The following SEMA5B variants were observed in gnomAD, a reference collection of about 807,000 sequenced individuals.
The protein encoded by SEMA5B is semaphorin-5B.
A neutral mutation model predicts 135.0 loss-of-function variants in SEMA5B; 66 were observed. That is an observed-to-expected ratio of 0.49 (90% CI 0.40 to 0.60). SEMA5B has a LOEUF of 0.60. SEMA5B is among the 20% of genes least tolerant of loss of function. The probability of loss-of-function intolerance (pLI) is 0.00; values close to 1 mark genes in which losing one functional copy is unlikely to be tolerated. For synonymous variants in SEMA5B, 690 were observed against 639.5 expected (o/e 1.08, Z -1.19); for missense variants, 1,501 against 1,566.3 (o/e 0.96, Z 0.70).
intron 1 of SEMA5B, among the ~76,000 whole-genome samples, chr3:123,024,766 A>T: frequency 6.6e-6 from 1 of 152,182 alleles, no homozygotes; most frequent in East Asian, 1.9e-4. Flanking sequence ...AGATGAGCTC[A>T]CTTCTTAGAA....
intron 7 of SEMA5B, 26 bp from the exon 8 acceptor site, chr3:122,928,029 A>G (rs1030072915): frequency 3.2e-5 from 45 of 1,422,790 alleles, no homozygotes; most frequent in Non-Finnish European, 4.1e-5. Context: ...AGAAGGGGAC[A>G]CTTTTCCCTG....
intron 12 of SEMA5B, among the ~76,000 whole-genome samples, chr3:122,919,353 C>T (rs1027985597): frequency 5.3e-5 from 8 of 152,152 alleles, no homozygotes; most frequent in African/African-American, 1.9e-4. Context: ...TTTGCAGAGC[C>T]AGTCAGCAGT....
intron 5 of SEMA5B, among the ~76,000 whole-genome samples, chr3:122,935,281 A>C (rs1939205321): frequency 6.6e-6 from 1 of 152,050 alleles, no homozygotes; most frequent in South Asian, 2.1e-4. Context: ...TTTTCCAGCA[A>C]AGACTCCCTT....
chr3:122,946,738 A>G (rs1371802596), intron 3 of SEMA5B, among the ~76,000 whole-genome samples: 1 of 152,188 alleles, frequency 6.6e-6, no homozygotes, highest in Non-Finnish European at 1.5e-5. Flanking sequence ...GAGGCCCCAC[A>G]GCATCCCCTT....
chr3:122,994,830 T>C (rs1181528518), intron 1 of SEMA5B, among the ~76,000 whole-genome samples: 1 of 152,124 alleles, frequency 6.6e-6, no homozygotes, highest in Non-Finnish European at 1.5e-5. Context: ...AGAAATCAAA[T>C]TGGATGAAAT....
chr3:122,953,346 G>T (rs1285095425), intron 2 of SEMA5B, among the ~76,000 whole-genome samples: 1 of 152,128 alleles, frequency 6.6e-6, no homozygotes, highest in Admixed American at 6.5e-5. Context: ...CCAGGGGCCC[G>T]AATTAGGAGC....
At chr3:122,956,065 C>T (rs1258450560) in intron 2 of SEMA5B, among the ~76,000 whole-genome samples, 3 of 152,230 alleles carry the variant, frequency 2.0e-5, no homozygotes, top group African/African-American at 7.2e-5. Flanking sequence ...GAAGGGGGCA[C>T]AGATGGCCAG....
At chr3:122,984,240 T>C (rs1429954488) in intron 1 of SEMA5B, among the ~76,000 whole-genome samples, 1 of 152,212 alleles carries the variant, frequency 6.6e-6, no homozygotes, top group Non-Finnish European at 1.5e-5. Context: ...AGGCGGGCTC[T>C]GAAGGTCCAG....
chr3:122,958,864 CTCTCT>C (rs545246474), intron 2 of SEMA5B, among the ~76,000 whole-genome samples: 20 of 152,288 alleles, frequency 1.3e-4, no homozygotes, highest in African/African-American at 4.8e-4. Flanking sequence ...CTGAGTTCTT[CTCTCT>C]TCCATATATT....
chr3:123,003,765 C>T (rs1291485025), intron 1 of SEMA5B, among the ~76,000 whole-genome samples: 2 of 152,110 alleles, frequency 1.3e-5, no homozygotes, highest in South Asian at 2.1e-4. Context: ...ACCTTGGAGG[C>T]GGAGATTGCA....
intron 2 of SEMA5B, among the ~76,000 whole-genome samples, chr3:122,957,768 G>A (rs1329925055): frequency 6.6e-6 from 1 of 152,166 alleles, no homozygotes; most frequent in East Asian, 1.9e-4. Flanking sequence ...AGTGAAGCTG[G>A]GATTTGAATC....
At chr3:122,931,247 C>T (rs1167924717) in intron 5 of SEMA5B, among the ~76,000 whole-genome samples, 1 of 152,178 alleles carries the variant, frequency 6.6e-6, no homozygotes, top group Admixed American at 6.5e-5. Flanking sequence ...GTATCAATCT[C>T]AGTCTTCATC....
intron 1 of SEMA5B, among the ~76,000 whole-genome samples, chr3:123,023,190 C>T (rs966572676): frequency 3.9e-5 from 6 of 152,188 alleles, no homozygotes; most frequent in African/African-American, 1.4e-4. Context: ...TTTGCTTTGG[C>T]CTCTTGCCAT....
In SEMA5B at chr3:122,912,211, G is replaced by A; in HGVS notation, c.2857C>T (p.His953Tyr). The change falls in exon 19 of 23, where the codon CAC (histidine) becomes TAC (tyrosine). Residue 953 changes from histidine to tyrosine, a missense_variant. This residue lies in a region of SEMA5B where 927 missense variants were observed against 881.6 expected (regional missense o/e 1.05). Transcript: ENST00000357599. ...GTGGCACATAGTGCCTCCTCCGTGTGCAGCCCGAGACAGATGTCCTCACCT... is the reference window on the plus strand; with the variant it reads ...GTGGCACATAGTGCCTCCTCCGTGTACAGCCCGAGACAGATGTCCTCACCT... ...SPGEDICLGL[H>Y]TEEALCATQA... 1 of 1,605,256 alleles carries A rather than the reference G, an allele frequency of 6.2e-7. No homozygotes were observed. Among genetic ancestry groups the A allele is most frequent in the Non-Finnish European group, 8.5e-7 (1 of 1,174,576 alleles).
At chr3:122,911,625 G>C in intron 20 of SEMA5B, 90 bp from the exon 21 acceptor site, 1 of 1,352,340 alleles carries the variant, frequency 7.4e-7, no homozygotes, top group Non-Finnish European at 1.0e-6. Flanking sequence ...AGGACCTCTA[G>C]GTCAACGCTC....
chr3:122,932,442 A>G (rs2107668514), intron 5 of SEMA5B, among the ~76,000 whole-genome samples: 1 of 152,054 alleles, frequency 6.6e-6, no homozygotes, highest in African/African-American at 2.4e-5. Flanking sequence ...GCTGTGAGAA[A>G]CATCCTTCTT....
intron 1 of SEMA5B, among the ~76,000 whole-genome samples, chr3:123,022,102 G>C (rs1365161391): frequency 6.6e-6 from 1 of 152,202 alleles, no homozygotes; most frequent in African/African-American, 2.4e-5. Flanking sequence ...GCCAGAAAGG[G>C]CTTTAAGATT....
intron 1 of SEMA5B, among the ~76,000 whole-genome samples, chr3:122,994,308 G>A (rs1941970725): frequency 6.6e-6 from 1 of 152,186 alleles, no homozygotes. Flanking sequence ...GCCACCTGTA[G>A]GTCTGAACAC....
intron 9 of SEMA5B, among the ~76,000 whole-genome samples, chr3:122,924,944 A>T (rs1938548389): frequency 6.6e-6 from 1 of 152,218 alleles, no homozygotes; most frequent in Non-Finnish European, 1.5e-5. Context: ...AAGCTTTTAA[A>T]GGCTGAACCA....
Sources: gnomAD v4.1 joint callset for allele counts (sites outside exome capture counted in the v4.1 genomes callset) on GRCh38, gnomAD v4.1.1 for gene constraint, gnomAD v4.1.1 regional missense constraint, MANE v1.5 for transcripts, NCBI Gene and HGNC (gene_info 2026-07-23, HGNC 2026-07-21) for gene names.